Variants in JAKMIP3 observed in about 807,000 individuals in gnomAD.
JAKMIP3 encodes the protein janus kinase and microtubule-interacting protein 3.
In JAKMIP3, 58 loss-of-function variants were observed where a neutral mutation model predicts 118.5. That is an observed-to-expected ratio of 0.49 (90% CI 0.40 to 0.61). The LOEUF (loss-of-function observed/expected upper bound fraction) is 0.61, where lower values mean the gene tolerates loss of function less well. Among genes scored for constraint, JAKMIP3 ranks in the 20% least tolerant of loss-of-function variants. The pLI is 0.00. For synonymous variants in JAKMIP3, 486 were observed against 451.2 expected, an observed-to-expected ratio of 1.08 and a Z score of -0.98; for missense variants, 950 against 1,109.0, an observed-to-expected ratio of 0.86 and a Z score of 2.04.
Position 132,044,488 on chromosome 10 carries a change from G to A in JAKMIP3, c.-138+7750G>A, listed in dbSNP as rs934460006. ...GAAGGCTGCTTGGGAAAACAGTTAT[G>A]GCTGGTGCAGAGGAGGGTGCGGCCG... On this transcript the variant is annotated intron_variant, in intron 1 of 23. Coordinates refer to the JAKMIP3 transcript ENST00000657785. This position sits in a 1 kb window ranked among gnomAD's most constrained non-coding sequence, Gnocchi z 5.3. 1.3e-5 allele frequency among the ~76,000 whole-genome samples: 2 copies of A among 152,104 alleles called. No individual in the cohort carries two copies. Among genetic ancestry groups the A allele is most frequent in the Non-Finnish European group, 2.9e-5 (2 of 68,018 alleles).
At chr10:132,164,358 G>A (rs1193630243) in intron 20 of JAKMIP3, among the ~76,000 whole-genome samples, 37 of 152,246 alleles carry the variant, frequency 2.4e-4, no homozygotes, top group Admixed American at 2.4e-3. Context: ...ACTCCGCTGC[G>A]GTGGCATCTG....
chr10:132,045,245 C>T lies in JAKMIP3; in HGVS notation c.-138+8507C>T, dbSNP rs558714903. Among the ~76,000 whole-genome samples, 699 of 152,264 alleles carry T rather than the reference C, an allele frequency of 4.6e-3. 7 individuals are homozygous for T. The highest frequency in any genetic ancestry group is 0.016 in the African/African-American group (669 of 41,548). ...CGGGTGAGCAGGTGGCTCGCTGCAG[C>T]TGGGTCTGCGTTTCCCCGGTGAGCA... On this transcript the variant is annotated intron_variant, in intron 1 of 23. Coordinates refer to the JAKMIP3 transcript ENST00000657785.
rs9664251 is a variant in JAKMIP3 at position 132,088,536 on chromosome 10, C to T, written c.-137-16136C>T. On this transcript the variant is annotated intron_variant, in intron 1 of 23. Transcript: ENST00000684848. ...AGAAGTGTCTGTTCATATCCTTCAC[C>T]CACTTTGTGATGGGGTTGTTTGTTT... Among the ~76,000 whole-genome samples, 873 of 152,224 alleles carry T rather than the reference C, an allele frequency of 5.7e-3. 15 individuals are homozygous for T. The highest frequency in any genetic ancestry group is 0.02 in the African/African-American group (826 of 41,530).
rs988983235 is a variant in JAKMIP3, at chr10:132,168,971, C to G, written c.*1041C>G. The stretch of plus-strand genomic sequence containing the variant: ...GGGCGCAAGAAGGGAACCGCGGGGA[C>G]GGCCTTTCCCCTCCCGCCCTGTGTG... On this transcript the variant is annotated 3_prime_UTR_variant, in exon 23 of 24. Transcript: ENST00000684848. The G allele has an allele frequency of 6.3e-6, 1 of 158,454 alleles. No individual in the cohort carries two copies. The highest frequency in any genetic ancestry group is 1.4e-5 in the Non-Finnish European group (1 of 71,828). 9.8% of individuals were successfully genotyped at this position (158,454 alleles called of 1,614,324 possible).
chr10:132,082,736 G>A (rs891021812), intron 1 of JAKMIP3, among the ~76,000 whole-genome samples: 6 of 151,766 alleles, frequency 4.0e-5, no homozygotes, highest in Admixed American at 6.6e-5. Context: ...TCAGCCTCCC[G>A]AGTAGCTGGG....
Position 132,150,257 on chromosome 10 carries a change from C to T in JAKMIP3, c.2007+216C>T, listed in dbSNP as rs143348948. ...CTCTGCTGTGCACACCTGGTTCTTCCAGCTGATGGCACTTCCCATCACATT... is the reference window on the plus strand; with the variant it reads ...CTCTGCTGTGCACACCTGGTTCTTCTAGCTGATGGCACTTCCCATCACATT... On this transcript the variant is annotated intron_variant, in intron 16 of 23. Transcript: ENST00000684848. Among the ~76,000 whole-genome samples, 4 of 152,082 alleles carry T rather than the reference C, an allele frequency of 2.6e-5. No homozygotes were observed. The East Asian group carries it at 7.9e-4, about 30-fold the overall frequency.
At chr10:132,046,067 G>A (rs1050105533) in intron 1 of JAKMIP3, among the ~76,000 whole-genome samples, 2 of 152,034 alleles carry the variant, frequency 1.3e-5, no homozygotes, top group Non-Finnish European at 2.9e-5. Flanking sequence ...AGATATTACA[G>A]AACATAGCCA....
chr10:132,130,441 A>C (rs542109329), intron 3 of JAKMIP3, among the ~76,000 whole-genome samples: 177 of 152,300 alleles, frequency 1.2e-3, no homozygotes, highest in Middle Eastern at 3.4e-3. Flanking sequence ...TCACGTCACC[A>C]CCCACAGAAC....
intron 1 of JAKMIP3, among the ~76,000 whole-genome samples, chr10:132,041,023 C>A (rs189391540): frequency 3.9e-4 from 59 of 152,262 alleles, no homozygotes; most frequent in African/African-American, 1.4e-3. Context: ...CTGTGTCTCG[C>A]GGCTGAGCGG....
intron 1 of JAKMIP3, among the ~76,000 whole-genome samples, chr10:132,056,318 T>G (rs2133829288): frequency 6.6e-6 from 1 of 152,322 alleles, no homozygotes; most frequent in Admixed American, 6.5e-5. Flanking sequence ...TGCTGCTCAC[T>G]GTTGTCCACG....
chr10:132,139,415 AGTGT>A (rs760839058), intron 9 of JAKMIP3, among the ~76,000 whole-genome samples: 2 of 38,392 alleles, frequency 5.2e-5, no homozygotes, highest in South Asian at 9.1e-4. Context: ...TGTATGTGTG[AGTGT>A]GTGTGTGTGT....
At chr10:132,081,847 C>T (rs2041811687) in intron 1 of JAKMIP3, among the ~76,000 whole-genome samples, 1 of 152,062 alleles carries the variant, frequency 6.6e-6, no homozygotes, top group Admixed American at 6.6e-5. Flanking sequence ...TACAGAGCAG[C>T]CCTCATCGGC....
In JAKMIP3 at chr10:132,058,947, G is replaced by A. The variant is rs903487687; in HGVS notation, c.-138+22209G>A. Reference sequence around the variant, plus strand: ...TTGGTCATCCTTCGCATCGCGTCGCGCCCACGTGAGCCTGGCTGCCTGGCT... The same window carrying A: ...TTGGTCATCCTTCGCATCGCGTCGCACCCACGTGAGCCTGGCTGCCTGGCT... On this transcript the variant is annotated intron_variant, in intron 1 of 23. Transcript: ENST00000657785. 5.3e-5 allele frequency among the ~76,000 whole-genome samples: 8 copies of A among 152,292 alleles called. No homozygotes were observed. In the East Asian group the frequency reaches 5.8e-4, roughly 11 times the overall value.
intron 1 of JAKMIP3, among the ~76,000 whole-genome samples, chr10:132,058,699 G>A (rs959923946): frequency 3.9e-5 from 6 of 152,224 alleles, no homozygotes; most frequent in African/African-American, 7.2e-5. Context: ...GGGAGGGGAC[G>A]CACCCGGCTG....
At chr10:132,057,426 G>A (rs1182983854) in intron 1 of JAKMIP3, among the ~76,000 whole-genome samples, 1 of 152,226 alleles carries the variant, frequency 6.6e-6, no homozygotes, top group African/African-American at 2.4e-5. Context: ...GCAGGAGCAC[G>A]CCGCCGACTG....
At chr10:132,145,804 C>T (rs941676781) in intron 13 of JAKMIP3, among the ~76,000 whole-genome samples, 3 of 152,206 alleles carry the variant, frequency 2.0e-5, no homozygotes, top group African/African-American at 4.8e-5. Flanking sequence ...GTCCTGTTCT[C>T]CTGGGTCCGG....
intron 1 of JAKMIP3, among the ~76,000 whole-genome samples, chr10:132,056,605 C>G (rs779275450): frequency 7.9e-5 from 12 of 152,330 alleles, no homozygotes; most frequent in Admixed American, 3.3e-4. Context: ...CGGACTTGGG[C>G]AGTGTGCGCT....
intron 2 of JAKMIP3, among the ~76,000 whole-genome samples, chr10:132,111,355 C>CCA (rs2046843304): frequency 1.3e-5 from 2 of 151,622 alleles, no homozygotes; most frequent in East Asian, 1.9e-4. Context: ...AGAGACCCCC[C>CCA]CCATGAGCAC....
intron 19 of JAKMIP3, among the ~76,000 whole-genome samples, chr10:132,159,892 TGCTGGGGGGTCTCTTCCTGTGTG>T (rs2057828056): frequency 5.0e-4 from 10 of 19,896 alleles, no homozygotes; most frequent in Admixed American, 6.0e-4. Context: ...TCCTGTGTGA[TGCTGGGGGGTCTCTTCCTGTGTG>T]ATGCTGGGGG....
Sources: gnomAD v4.1 joint callset for allele counts (sites outside exome capture counted in the v4.1 genomes callset) on GRCh38, gnomAD v4.1.1 for gene constraint, Gnocchi (gnomAD v3.1) non-coding constraint, MANE v1.5 for transcripts, NCBI Gene and HGNC (gene_info 2026-07-23, HGNC 2026-07-21) for gene names.